The following NTM variants were observed in gnomAD, a reference collection of about 807,000 sequenced individuals.
NTM encodes the protein neurotrimin.
Under a neutral mutation model 42.1 loss-of-function variants are expected in NTM, and 13 were observed. The ratio of observed to expected loss-of-function variants is 0.31; its 90% CI spans 0.20 to 0.49. NTM has a LOEUF of 0.49. Ranked by LOEUF, NTM falls within the 20% of genes least tolerant of loss-of-function variation. The pLI is 0.99. For missense variants in NTM, 373 were observed against 452.8 expected, an observed-to-expected ratio of 0.82 and a Z score of 1.60; for synonymous variants, 187 against 179.2, an observed-to-expected ratio of 1.04 and a Z score of -0.35.
intron 1 of NTM, among the ~76,000 whole-genome samples, chr11:131,904,188 C>T (rs2053551406): frequency 6.6e-6 from 1 of 152,052 alleles, no homozygotes; most frequent in Non-Finnish European, 1.5e-5. Context: ...AGGAATAAAA[C>T]CTCTAAAGAA....
intron 2 of NTM, among the ~76,000 whole-genome samples, chr11:132,050,892 C>T (rs2078760315): frequency 6.6e-6 from 1 of 152,206 alleles, no homozygotes; most frequent in Non-Finnish European, 1.5e-5. Flanking sequence ...TTGCCTCCAG[C>T]CTTGTCTGGT....
At chr11:132,107,057 T>C (rs2062467847) in intron 2 of NTM, among the ~76,000 whole-genome samples, 1 of 152,170 alleles carries the variant, frequency 6.6e-6, no homozygotes, top group African/African-American at 2.4e-5. Flanking sequence ...CCCAGACATA[T>C]GCCTTTTTTC....
intron 1 of NTM, among the ~76,000 whole-genome samples, chr11:131,510,669 C>G (rs773089066): frequency 6.6e-6 from 1 of 152,178 alleles, no homozygotes; most frequent in South Asian, 2.1e-4. Flanking sequence ...GACCACTAGA[C>G]GTTTATAAAA....
At chr11:131,528,382 A>G (rs2050789911) in intron 1 of NTM, among the ~76,000 whole-genome samples, 1 of 152,174 alleles carries the variant, frequency 6.6e-6, no homozygotes, top group South Asian at 2.1e-4. Flanking sequence ...TTACATGTTT[A>G]GTTCCCTTAA....
chr11:132,292,023 G>T (rs2094464037), intron 4 of NTM, among the ~76,000 whole-genome samples: 1 of 152,168 alleles, frequency 6.6e-6, no homozygotes, highest in South Asian at 2.1e-4. Context: ...AAACAGTGGT[G>T]TTAAGGCAGA....
intron 1 of NTM, among the ~76,000 whole-genome samples, chr11:131,570,106 G>A (rs2057311870): frequency 6.6e-6 from 1 of 152,014 alleles, no homozygotes; most frequent in African/African-American, 2.4e-5. Context: ...TTTTCCTCTG[G>A]TCTTTGCTCT....
intron 1 of NTM, among the ~76,000 whole-genome samples, chr11:131,703,863 T>G (rs946722844): frequency 1.3e-5 from 2 of 151,956 alleles, no homozygotes; most frequent in African/African-American, 4.8e-5. Flanking sequence ...GGACCCCAAT[T>G]CCAGGCCTAT....
At chr11:131,768,628 A>G (rs2085533720) in intron 1 of NTM, among the ~76,000 whole-genome samples, 1 of 152,204 alleles carries the variant, frequency 6.6e-6, no homozygotes, top group Non-Finnish European at 1.5e-5. Flanking sequence ...AACTGCCTAG[A>G]GAAACTTCAG....
intron 2 of NTM, among the ~76,000 whole-genome samples, chr11:131,982,105 C>G (rs898389670): frequency 6.6e-6 from 1 of 151,900 alleles, no homozygotes; most frequent in African/African-American, 2.4e-5. Flanking sequence ...AAAAAGAAAC[C>G]GTGCAGTTTG....
chr11:132,291,302 A>G (rs187831365), intron 4 of NTM, among the ~76,000 whole-genome samples: 1 of 152,300 alleles, frequency 6.6e-6, no homozygotes, highest in East Asian at 1.9e-4. Context: ...TGGATTTGAT[A>G]TTGGATTCAG....
intron 3 of NTM, among the ~76,000 whole-genome samples, chr11:132,184,457 T>C (rs2078081646): frequency 6.6e-6 from 1 of 152,156 alleles, no homozygotes; most frequent in Non-Finnish European, 1.5e-5. Flanking sequence ...TTCTACTGAC[T>C]ACTGTATAAA....
intron 2 of NTM, among the ~76,000 whole-genome samples, chr11:132,047,368 C>T (rs947010057): frequency 2.0e-5 from 3 of 152,196 alleles, no homozygotes; most frequent in Admixed American, 1.3e-4. Flanking sequence ...AATAGTCTTT[C>T]AGTGTTGAGG....
intron 1 of NTM, among the ~76,000 whole-genome samples, chr11:131,879,552 A>G (rs2049140079): frequency 6.6e-6 from 1 of 152,236 alleles, no homozygotes; most frequent in South Asian, 2.1e-4. Flanking sequence ...GGTTTCAGAA[A>G]GGTGGAATGG....
intron 1 of NTM, among the ~76,000 whole-genome samples, chr11:131,806,334 G>C (rs1591988312): frequency 6.6e-6 from 1 of 152,192 alleles, no homozygotes; most frequent in East Asian, 1.9e-4. Flanking sequence ...CTGGACTTCA[G>C]TTTTTCTTTT....
intron 1 of NTM, among the ~76,000 whole-genome samples, chr11:131,719,908 G>A (rs1405630412): frequency 6.6e-6 from 1 of 152,170 alleles, no homozygotes; most frequent in Non-Finnish European, 1.5e-5. Flanking sequence ...GTGCCCAGAT[G>A]GTGGACTTCC....
chr11:132,087,424 C>G (rs1434228378), intron 2 of NTM, among the ~76,000 whole-genome samples: 1 of 152,180 alleles, frequency 6.6e-6, no homozygotes, highest in Non-Finnish European at 1.5e-5. Context: ...GTTGTCATCT[C>G]CCTCTGGATC....
intron 2 of NTM, among the ~76,000 whole-genome samples, chr11:132,008,908 T>C (rs1186368): frequency 1.3e-5 from 2 of 151,864 alleles, no homozygotes; most frequent in Non-Finnish European, 2.9e-5. Flanking sequence ...GAGTTTCTTT[T>C]CCCTTTTTAA....
At chr11:131,468,493 A>G (rs1299204762) in intron 1 of NTM, among the ~76,000 whole-genome samples, 3 of 152,156 alleles carry the variant, frequency 2.0e-5, no homozygotes, top group Non-Finnish European at 4.4e-5. Context: ...CAGCTTATGC[A>G]TTTATTTATT....
chr11:131,686,348 C>T (rs2073871357), intron 1 of NTM, among the ~76,000 whole-genome samples: 1 of 152,090 alleles, frequency 6.6e-6, no homozygotes, highest in East Asian at 1.9e-4. Context: ...ATGGATTTTG[C>T]ATGTTATGTG....
Sources: gnomAD v4.1 joint callset for allele counts (sites outside exome capture counted in the v4.1 genomes callset) on GRCh38, gnomAD v4.1.1 for gene constraint, MANE v1.5 for transcripts, NCBI Gene and HGNC (gene_info 2026-07-23, HGNC 2026-07-21) for gene names.